PSG6: variants seen among roughly 807,000 people sequenced by gnomAD.
PSG6 encodes pregnancy specific beta-1-glycoprotein 6.
A neutral mutation model predicts 43.3 loss-of-function variants in PSG6; 51 were observed. The observed-to-expected ratio is 1.18, with a 90% CI of 0.94 to 1.49. The LOEUF is 1.49. Among genes scored for constraint, PSG6 ranks in the 40% most tolerant of loss-of-function variants. PSG6 has a pLI of 0.00. For synonymous variants in PSG6, 292 were observed against 197.6 expected (o/e 1.48, Z -4.01); for missense variants, 770 against 522.2 (o/e 1.47, Z -4.62).
At chr19:42,905,918 G>A (rs1444570214) in intron 5 of PSG6, among the ~76,000 whole-genome samples, 2 of 151,632 alleles carry the variant, frequency 1.3e-5, no homozygotes, top group African/African-American at 4.8e-5. Context: ...GGGTTAGGGG[G>A]AGAAGGAGTG....
Position 42,911,155 on chromosome 19 carries a change from T to G in PSG6, c.428-297A>C, listed in dbSNP as rs982881428. ...AGCCCCTGGTGCCTCTCTGAGTCCC[T>G]CCGTCTCCAACTGCCTGCCTGGCCC... On this transcript the variant is annotated intron_variant, in intron 2 of 5. Coordinates refer to ENST00000187910, the MANE Select transcript of PSG6 (RefSeq NM_001031850.4). Among the ~76,000 whole-genome samples the G allele has an allele frequency of 2.0e-5, 3 of 151,654 alleles. No individual in the cohort carries two copies. In the East Asian group the frequency reaches 5.8e-4, roughly 29 times the overall value.
At chr19:42,903,800 G>A in intron 5 of PSG6, 4 of 1,443,170 alleles carry the variant, frequency 2.8e-6, no homozygotes, top group African/African-American at 1.5e-5. Flanking sequence ...GGCTGAAGAA[G>A]GAGAATTGCT....
chr19:42,910,566 C>T lies in PSG6; in HGVS notation c.706+14G>A. 3 of 1,612,588 alleles carry T rather than the reference C, an allele frequency of 1.9e-6. No homozygotes were observed. Among genetic ancestry groups the T allele is most frequent in the South Asian group, 1.1e-5 (1 of 90,650 alleles). ...GATGGCAGCCTGGCTCACAGAGGAA[C>T]AGAAGATACTCACGGAGGAGATTCA... On this transcript the variant is annotated intron_variant, in intron 3 of 5. Transcript: ENST00000187910.
intron 5 of PSG6, among the ~76,000 whole-genome samples, chr19:42,906,482 A>G (rs948013056): frequency 6.6e-6 from 1 of 151,342 alleles, no homozygotes; most frequent in African/African-American, 2.4e-5. Context: ...CCCTCACCCA[A>G]AGGGCTTCCT....
rs1043753847 is a variant in PSG6, at chr19:42,908,886, G to T, written c.707-1032C>A. Among the ~76,000 whole-genome samples, 12 of 151,712 alleles carry T rather than the reference G, an allele frequency of 7.9e-5. 1 individual carries two copies. Among genetic ancestry groups the T allele is most frequent in the Admixed American group, 6.6e-4 (10 of 15,188 alleles). On this transcript the variant is annotated intron_variant, in intron 3 of 5. Transcript: ENST00000187910. ...TGAATATGAGACGAGGCTGCTGGAAGCCAGGAGCTGGGAGTGGGGAGAATC... is the reference window on the plus strand; with the variant it reads ...TGAATATGAGACGAGGCTGCTGGAATCCAGGAGCTGGGAGTGGGGAGAATC...
At chr19:42,910,050 T>C (rs1972188863) in intron 3 of PSG6, 2 of 188,576 alleles carry the variant, frequency 1.1e-5, no homozygotes, top group African/African-American at 4.7e-5. Context: ...TTGCTGGAAC[T>C]TCCCATCAAT....
At chr19:42,903,175 A>G (rs1456065850) in intron 5 of PSG6, among the ~76,000 whole-genome samples, 1 of 151,676 alleles carries the variant, frequency 6.6e-6, no homozygotes, top group Non-Finnish European at 1.5e-5. Context: ...ATAGCAGCTG[A>G]CATTGGTTCC....
intron 2 of PSG6, among the ~76,000 whole-genome samples, chr19:42,914,919 G>T (rs909574632): frequency 6.6e-6 from 1 of 151,580 alleles, no homozygotes; most frequent in African/African-American, 2.4e-5. Flanking sequence ...GATCTGAGGG[G>T]GAGACCTGGA....
At chr19:42,903,823 G>T (rs1326639660) in intron 5 of PSG6, 21 of 1,393,644 alleles carry the variant, frequency 1.5e-5, no homozygotes, top group Non-Finnish European at 1.5e-5. Flanking sequence ...AGCCCAGGAG[G>T]TTGAGGCTGC....
At chr19:42,909,428 A>G (rs553254392) in intron 3 of PSG6, among the ~76,000 whole-genome samples, 1 of 151,724 alleles carries the variant, frequency 6.6e-6, no homozygotes, top group South Asian at 2.1e-4. Flanking sequence ...GATTTAGGAC[A>G]GAGTTTTCTA....
At chr19:42,907,326 G>T in intron 4 of PSG6, 150 bp from the exon 5 acceptor site, 1 of 1,467,394 alleles carries the variant, frequency 6.8e-7, no homozygotes, top group Non-Finnish European at 9.1e-7. Flanking sequence ...CCAAGCCTGA[G>T]GTATTCCCCT....
rs199507024 is a variant in PSG6, at chr19:42,906,948, G to A, written c.1214C>T (p.Ser405Phe). Residue 405 changes from serine to phenylalanine, a missense_variant, in exon 5 of 6, where the codon TCC becomes TTC. Coordinates refer to ENST00000187910, the MANE Select transcript of PSG6 (RefSeq NM_001031850.4). ...AGAGACTTTGACTATCATGGATTTG[G>A]AGATTTCCTTGCCAGTGGCTGAGTT... is the stretch of plus-strand genomic sequence containing the variant. ...VRNSATGKEISKSMIVKVSGP... is the reference protein window; with the variant it reads ...VRNSATGKEIFKSMIVKVSGP... The A allele has an allele frequency of 3.0e-4, 478 of 1,612,242 alleles. 19 individuals carry two copies. The highest frequency in any genetic ancestry group is 8.2e-4 in the Middle Eastern group (5 of 6,074).
chr19:42,906,634 C>A, intron 5 of PSG6: 1 of 1,381,630 alleles, frequency 7.2e-7, no homozygotes, highest in South Asian at 1.7e-5. Flanking sequence ...CTTGAGGACT[C>A]TCCTTCTTGT....
At chr19:42,912,174 G>A (rs1736688866) in intron 2 of PSG6, among the ~76,000 whole-genome samples, 1 of 151,656 alleles carries the variant, frequency 6.6e-6, no homozygotes, top group Admixed American at 6.6e-5. Flanking sequence ...TCAGTGGTCA[G>A]AAGTGTTGAG....
In PSG6 at chr19:42,908,032, T is replaced by A. The variant is rs183932953; in HGVS notation, c.707-178A>T. On this transcript the variant is annotated intron_variant, in intron 3 of 5. Transcript: ENST00000187910. Reference sequence around the variant, plus strand: ...CTAAGGGCTCAAAGACTGTGAGGCCTCCTGCTCTGTCTTAGGGAAGCACAG... The same window carrying A: ...CTAAGGGCTCAAAGACTGTGAGGCCACCTGCTCTGTCTTAGGGAAGCACAG... 622 of 1,038,916 alleles carry A rather than the reference T, an allele frequency of 6.0e-4. 9 individuals carry two copies. The African/African-American group carries it at 8.6e-3, about 14-fold the overall frequency. 64.4% of individuals were successfully genotyped at this position (1,038,916 alleles called of 1,614,324 possible).
rs373521048 is a variant in PSG6, at chr19:42,916,085, C to G, written c.427+40G>C. The G allele has an allele frequency of 3.7e-6, 6 of 1,605,210 alleles. 1 individual carries two copies. Among genetic ancestry groups the G allele is most frequent in the Non-Finnish European group, 5.1e-6 (6 of 1,176,068 alleles). ...CTGTGTGTGTGAAGTAGAAATGACCCCTGCCCCCCAACACCCAGGGATCAT... is the reference window on the plus strand; with the variant it reads ...CTGTGTGTGTGAAGTAGAAATGACCGCTGCCCCCCAACACCCAGGGATCAT... On this transcript the variant is annotated intron_variant, in intron 2 of 5. Coordinates refer to ENST00000187910, the MANE Select transcript of PSG6 (RefSeq NM_001031850.4).
At chr19:42,914,367 A>G (rs559406606) in intron 2 of PSG6, among the ~76,000 whole-genome samples, 24,861 of 149,922 alleles carry the variant, frequency 0.17, 2,537 homozygotes, top group African/African-American at 0.23. Context: ...CTAGGGTTGG[A>G]GGAAGAAGCT....
At chr19:42,912,979 T>C (rs1972255716) in intron 2 of PSG6, among the ~76,000 whole-genome samples, 1 of 151,684 alleles carries the variant, frequency 6.6e-6, no homozygotes, top group Non-Finnish European at 1.5e-5. Flanking sequence ...ATTGCTATTG[T>C]CAAAACAAAA....
At chr19:42,917,706 C>A in intron 1 of PSG6, 23 bp downstream of exon 1, 1 of 1,608,004 alleles carries the variant, frequency 6.2e-7, no homozygotes, top group Non-Finnish European at 8.5e-7. Flanking sequence ...CTCCTGTCCT[C>A]TCCCAGGAAG....
Sources: allele counts gnomAD v4.1 joint callset (sites outside exome capture counted in the v4.1 genomes callset), GRCh38; gene constraint gnomAD v4.1.1; transcripts MANE v1.5; gene names NCBI Gene and HGNC (gene_info 2026-07-23, HGNC 2026-07-21).